ASXL3: variants seen among roughly 807,000 people sequenced by gnomAD.
ASXL3 encodes the protein putative Polycomb group protein ASXL3.
Under a neutral mutation model 170.6 loss-of-function variants are expected in ASXL3, and 34 were observed. That is an observed-to-expected ratio of 0.20 (90% CI 0.15 to 0.27). The LOEUF is 0.27. Ranked by LOEUF, ASXL3 falls within the 10% of genes least tolerant of loss-of-function variation. The pLI, the probability that ASXL3 is intolerant of heterozygous loss-of-function variation, is 1.00. For synonymous variants in ASXL3, 1,002 were observed against 989.1 expected (o/e 1.01, Z -0.24); for missense variants, 2,592 against 2,695.3 (o/e 0.96, Z 0.85).
intron 4 of ASXL3, among the ~76,000 whole-genome samples, chr18:33,654,980 C>T (rs1357855077): frequency 6.6e-6 from 1 of 152,014 alleles, no homozygotes; most frequent in Non-Finnish European, 1.5e-5. Flanking sequence ...ATTCTTATAG[C>T]TACGTCTTAT....
At chr18:33,683,368 C>G in intron 7 of ASXL3, 37 bp from the exon 8 acceptor site, 2 of 1,576,102 alleles carry the variant, frequency 1.3e-6, no homozygotes, top group African/African-American at 2.7e-5. Flanking sequence ...TTCCCTCTAC[C>G]TGTAGTAAAT....
At position 33,746,133 on chromosome 18, in the gene ASXL3, A is replaced by G. The variant is rs769416388; in HGVS notation, c.6285A>G (p.Glu2095=). 2 of 1,613,834 alleles carry G rather than the reference A, an allele frequency of 1.2e-6. No homozygotes were observed. The highest frequency in any genetic ancestry group is 3.3e-5 in the Admixed American group (2 of 60,000). Residue 2095 remains glutamate (E), a synonymous_variant, in exon 12 of 12, where the codon GAA becomes GAG. Coordinates refer to ENST00000269197, the MANE Select transcript of ASXL3 (RefSeq NM_030632.3). Reference sequence around the variant, plus strand: ...AGGAAGGTTTAAGCAGCAGCTGTGAACTGGGCATGAAACAAGTTTCCTATG... The same window carrying G: ...AGGAAGGTTTAAGCAGCAGCTGTGAGCTGGGCATGAAACAAGTTTCCTATG... The part of the protein sequence containing the change: ...SFEEGLSSSC[E]LGMKQVSYDQ...
At chr18:33,740,900 C>T (rs1421703589) in intron 11 of ASXL3, among the ~76,000 whole-genome samples, 1 of 152,188 alleles carries the variant, frequency 6.6e-6, no homozygotes, top group Non-Finnish European at 1.5e-5. Context: ...TGCATTTATA[C>T]TGTTGTACAG....
chr18:33,644,705 G>A lies in ASXL3; in HGVS notation c.138-189G>A, dbSNP rs186632509. On this transcript the variant is annotated intron_variant, in intron 2 of 11. Transcript: ENST00000269197. The stretch of plus-strand genomic sequence containing the variant: ...GCATCTGATTAACTTTGGTGAAACT[G>A]GACTAGCCCTTTATTGTAATGTAGA... Among the ~76,000 whole-genome samples the A allele has an allele frequency of 7.0e-4, 107 of 151,950 alleles. 1 individual carries two copies. The East Asian group carries it at 0.019, about 27-fold the overall frequency.
intron 8 of ASXL3, among the ~76,000 whole-genome samples, chr18:33,708,503 T>C (rs2067001769): frequency 6.6e-6 from 1 of 152,184 alleles, no homozygotes; most frequent in Non-Finnish European, 1.5e-5. Flanking sequence ...ATGTATATAA[T>C]ATTGAGTCTT....
rs755252993 is a variant in ASXL3 at position 33,739,338 on chromosome 18, T to C, written c.1934T>C (p.Leu645Pro). 1 of 1,613,568 alleles carries C rather than the reference T, an allele frequency of 6.2e-7. No individual in the cohort carries two copies. Among genetic ancestry groups the C allele is most frequent in the South Asian group, 1.1e-5 (1 of 91,018 alleles). The change falls in exon 11 of 12, where the codon CTT becomes CCT. Residue 645 changes from leucine to proline, a missense_variant. By Grantham distance (98) the Leu-to-Pro change is moderately conservative. Coordinates refer to ENST00000269197, the MANE Select transcript of ASXL3 (RefSeq NM_030632.3). ...GAAGAATCATGTACTCCAGCCTCCC[T>C]TGAGACAACATTTTGTTCTGAGGTA... ...TSEESCTPAS[L>P]ETTFCSEVSS...
chr18:33,631,194 AAAC>A (rs762484160), intron 2 of ASXL3, among the ~76,000 whole-genome samples: 1 of 152,076 alleles, frequency 6.6e-6, no homozygotes, highest in Non-Finnish European at 1.5e-5. Flanking sequence ...GAGATTATTA[AAAC>A]AACAAGAAAA....
Position 33,746,283 on chromosome 18 carries a change from G to A in ASXL3, c.6435G>A (p.Gln2145=), listed in dbSNP as rs1204967296. 3.1e-6 allele frequency: 5 copies of A among 1,613,874 alleles called. No individual in the cohort carries two copies. The Admixed American group carries it at 6.7e-5, about 22-fold the overall frequency. The change falls in exon 12 of 12, where the codon CAG becomes CAA. Residue 2145 remains glutamine (Q), a synonymous_variant. Transcript: ENST00000269197. ...TQLAAQKMQV[Q]QQQQLCGNYP... ...TAGCTGCTCAGAAAATGCAGGTGCA[G>A]CAACAACAGCAGCTCTGTGGAAATT...
At chr18:33,673,678 T>TTGTAC (rs2066383195) in intron 7 of ASXL3, among the ~76,000 whole-genome samples, 1 of 152,160 alleles carries the variant, frequency 6.6e-6, no homozygotes, top group African/African-American at 2.4e-5. Context: ...TTTCTTGTAT[T>TTGTAC]CTGATTTTTG....
intron 5 of ASXL3, among the ~76,000 whole-genome samples, chr18:33,667,482 C>CCTACTCCTTTTTTCCAT (rs2066276684): frequency 1.3e-5 from 2 of 152,054 alleles, no homozygotes; most frequent in South Asian, 4.1e-4. Context: ...CTGTAAACTC[C>CCTACTCCTTTTTTCCAT]CTACTCCTTT....
chr18:33,630,257 G>A (rs941986919), intron 2 of ASXL3, among the ~76,000 whole-genome samples: 3 of 151,766 alleles, frequency 2.0e-5, no homozygotes, highest in Non-Finnish European at 4.4e-5. Context: ...TTTGAAATTC[G>A]TCCTTTTGTA....
intron 4 of ASXL3, among the ~76,000 whole-genome samples, chr18:33,646,639 C>A (rs2145202714): frequency 6.6e-6 from 1 of 151,906 alleles, no homozygotes; most frequent in East Asian, 2.0e-4. Flanking sequence ...GAGAGGGTTA[C>A]TGGGGGCATC....
At chr18:33,702,987 A>G (rs375810346) in intron 8 of ASXL3, among the ~76,000 whole-genome samples, 1 of 152,176 alleles carries the variant, frequency 6.6e-6, no homozygotes, top group Non-Finnish European at 1.5e-5. Flanking sequence ...AAATTGCTCC[A>G]TAGTCTGATA....
chr18:33,684,551 TAGAA>T (rs1373898638), intron 8 of ASXL3, among the ~76,000 whole-genome samples: 5 of 152,168 alleles, frequency 3.3e-5, no homozygotes, highest in Non-Finnish European at 7.4e-5. Context: ...TGTTCATATT[TAGAA>T]AGAGATTATT....
rs1422546101 is a variant in ASXL3, at chr18:33,744,958, C to A, written c.5110C>A (p.Gln1704Lys). 6.2e-7 allele frequency: 1 copy of A among 1,613,876 alleles called. No individual in the cohort carries two copies. Residue 1704 changes from glutamine to lysine, a missense_variant, in exon 12 of 12, where the codon CAA becomes AAA. Physicochemically the swap from Gln to Lys is moderately conservative, Grantham distance 53 (BLOSUM62 1). Transcript: ENST00000269197. ...PAAEGASSVQ[Q>K]TQNMKASTSS... ...TGCAGAGGGAGCCTCTAGTGTACAA[C>A]AAACACAGAACATGAAAGCTTCCAC...
chr18:33,601,894 A>G (rs1434036139), intron 1 of ASXL3, among the ~76,000 whole-genome samples: 1 of 149,592 alleles, frequency 6.7e-6, no homozygotes, highest in Non-Finnish European at 1.5e-5. Context: ...AGGCTGAAGC[A>G]ATCCTTCTGC....
intron 8 of ASXL3, among the ~76,000 whole-genome samples, chr18:33,695,184 A>G (rs2066752954): frequency 6.6e-6 from 1 of 152,182 alleles, no homozygotes; most frequent in Non-Finnish European, 1.5e-5. Context: ...ATAAAATTCA[A>G]AAGTATTAAA....
intron 2 of ASXL3, among the ~76,000 whole-genome samples, chr18:33,642,644 C>T (rs1354147734): frequency 1.3e-5 from 2 of 151,732 alleles, no homozygotes; most frequent in South Asian, 2.1e-4. Context: ...TTAAATTTTT[C>T]CGTAGTAAAT....
At chr18:33,720,604 C>T (rs754492630) in intron 8 of ASXL3, among the ~76,000 whole-genome samples, 6 of 152,046 alleles carry the variant, frequency 3.9e-5, no homozygotes, top group East Asian at 1.9e-4. Flanking sequence ...CGCTTCTCAT[C>T]GAGGCCCAGC....
Sources: gnomAD v4.1 joint callset for allele counts (sites outside exome capture counted in the v4.1 genomes callset) on GRCh38, gnomAD v4.1.1 for gene constraint, MANE v1.5 for transcripts, NCBI Gene and HGNC (gene_info 2026-07-23, HGNC 2026-07-21) for gene names.